Variants in NIPBL observed in about 807,000 individuals in gnomAD.
NIPBL encodes the protein nipped-B-like protein.
Under a neutral mutation model 321.8 loss-of-function variants are expected in NIPBL, and 19 were observed. The observed-to-expected ratio is 0.06, with a 90% CI of 0.04 to 0.09. The LOEUF is 0.09. Ranked by LOEUF, NIPBL falls within the 10% of genes least tolerant of loss-of-function variation. NIPBL has a pLI of 1.00. For synonymous variants in NIPBL, 1,106 were observed against 1,114.1 expected (o/e 0.99, Z 0.14); for missense variants, 2,210 against 3,327.0 (o/e 0.66, Z 8.26).
rs773164199 is a variant in NIPBL, at chr5:37,020,779, A to G, written c.5230A>G (p.Asn1744Asp). The change falls in exon 27 of 47, where the codon AAC becomes GAC. Residue 1744 changes from asparagine to aspartate, a missense_variant. By Grantham distance (23) the Asn-to-Asp change is conservative. Around this residue, in one of 14 missense-constraint regions of NIPBL, gnomAD observed 138 missense variants for 175.8 expected, o/e 0.79. Transcript: ENST00000282516. ...TTTAATGACTTTTTGTTGCAGGATGAACTCTGATACTGTGGACTATGATGA... is the reference window on the plus strand; with the variant it reads ...TTTAATGACTTTTTGTTGCAGGATGGACTCTGATACTGTGGACTATGATGA... ...TPSQFSTLKMNSDTVDYDDAC... is the reference protein window; with the variant it reads ...TPSQFSTLKMDSDTVDYDDAC... 1.9e-6 allele frequency: 3 copies of G among 1,613,834 alleles called. No individual in the cohort carries two copies. Among genetic ancestry groups the G allele is most frequent in the South Asian group, 2.2e-5 (2 of 91,058 alleles).
At chr5:37,022,457 T>A in intron 29 of NIPBL, 67 bp downstream of exon 29, 2 of 1,405,420 alleles carry the variant, frequency 1.4e-6, no homozygotes, top group Non-Finnish European at 1.9e-6. Context: ...TGTTTTGTTT[T>A]AAAGTGTTAA....
chr5:36,985,481 T>C lies in NIPBL; in HGVS notation c.2301T>C (p.Asp767=). 6.2e-7 allele frequency: 1 copy of C among 1,612,982 alleles called. No individual in the cohort carries two copies. Among genetic ancestry groups the C allele is most frequent in the Non-Finnish European group, 8.5e-7 (1 of 1,179,726 alleles). The part of the protein sequence containing the change: ...TPKHRHDNRR[D]SGKPSTEKKP... ...AACACAGGCATGACAATAGGAGGGATTCTGGAAAGCCATCTACAGAGAAAA... is the reference window on the plus strand; with the variant it reads ...AACACAGGCATGACAATAGGAGGGACTCTGGAAAGCCATCTACAGAGAAAA... The change falls in exon 10 of 47, where the codon GAT becomes GAC. Residue 767 remains aspartate (D), a synonymous_variant. Coordinates refer to ENST00000282516, the MANE Select transcript of NIPBL (RefSeq NM_133433.4).
At chr5:37,054,719 G>C (rs1185653032) in intron 42 of NIPBL, among the ~76,000 whole-genome samples, 1 of 152,198 alleles carries the variant, frequency 6.6e-6, no homozygotes, top group African/African-American at 2.4e-5. Context: ...AGGAACAAAT[G>C]CCTGAAGGCC....
Position 36,920,850 on chromosome 5 carries a change from C to T in NIPBL, c.-79-32768C>T, listed in dbSNP as rs559194926. 3.3e-5 allele frequency among the ~76,000 whole-genome samples: 5 copies of T among 151,032 alleles called. No homozygotes were observed. In the South Asian group the frequency reaches 8.4e-4, roughly 25 times the overall value. ...ATTTTTTTTTTTTTTCAAAGACTGC[C>T]TGGACCTACTCTCTCATTCTCTCCT... On this transcript the variant is annotated intron_variant, in intron 1 of 46. Transcript: ENST00000282516.
chr5:36,944,748 A>C (rs542481240), intron 1 of NIPBL, among the ~76,000 whole-genome samples: 4 of 152,154 alleles, frequency 2.6e-5, no homozygotes, highest in South Asian at 2.1e-4. Flanking sequence ...TAAAAAAAAA[A>C]CCAAAGCTGA....
At chr5:37,048,794 C>T (rs1443948765) in intron 39 of NIPBL, 119 bp downstream of exon 39, 1 of 856,086 alleles carries the variant, frequency 1.2e-6, no homozygotes, top group African/African-American at 1.7e-5. Flanking sequence ...AGTTAAATAG[C>T]AGTCCTTATG....
rs1050646924 is a variant in NIPBL, at chr5:37,035,161, C to T, written c.5863-1218C>T. Among the ~76,000 whole-genome samples the T allele has an allele frequency of 2.0e-5, 3 of 152,322 alleles. No individual in the cohort carries two copies. The East Asian group carries it at 5.8e-4, about 29-fold the overall frequency. ...AAAATAAGCTGGGCACGATGGCTCA[C>T]GCCTGTGGTCCCAGCTGTGTGGGAG... On this transcript the variant is annotated intron_variant, in intron 32 of 46. Transcript: ENST00000282516.
chr5:37,064,586 AAGT>A lies in NIPBL; in HGVS notation c.8110_8112del (p.Ser2704del). The A allele has an allele frequency of 6.2e-7, 1 of 1,614,174 alleles. No homozygotes were observed. Among genetic ancestry groups the A allele is most frequent in the Non-Finnish European group, 8.5e-7 (1 of 1,180,028 alleles). ...CGGAGTTGGCAGCACAGATGAATGAAAGTGTTGACGTCATGGATGTCATCGCTA... is the reference window on the plus strand; with the variant it reads ...CGGAGTTGGCAGCACAGATGAATGAAGTTGACGTCATGGATGTCATCGCTA... On this transcript the variant is annotated inframe_deletion, in exon 47 of 47. Coordinates refer to ENST00000282516, the MANE Select transcript of NIPBL (RefSeq NM_133433.4).
At chr5:37,012,362 T>G (rs1012252839) in intron 21 of NIPBL, among the ~76,000 whole-genome samples, 3 of 151,266 alleles carry the variant, frequency 2.0e-5, no homozygotes, top group African/African-American at 7.3e-5. Flanking sequence ...TTTATTTATT[T>G]TGTCTTTATT....
chr5:36,970,731 A>G (rs959592223), intron 6 of NIPBL, 145 bp from the exon 7 acceptor site: 5 of 702,890 alleles, frequency 7.1e-6, no homozygotes, highest in Non-Finnish European at 9.7e-6. Flanking sequence ...GAGTGTTAAG[A>G]TTTGATGAAA....
chr5:36,904,580 C>G (rs1747486971), intron 1 of NIPBL, among the ~76,000 whole-genome samples: 1 of 152,170 alleles, frequency 6.6e-6, no homozygotes, highest in African/African-American at 2.4e-5. Context: ...AGGAATATGG[C>G]TACAGCTTAG....
rs1483936627 is a variant in NIPBL at position 37,010,858 on chromosome 5, A to G, written c.4560+633A>G. Among the ~76,000 whole-genome samples, 5 of 152,234 alleles carry G rather than the reference A, an allele frequency of 3.3e-5. No individual in the cohort carries two copies. The South Asian group carries it at 8.3e-4, about 25-fold the overall frequency. Reference sequence around the variant, plus strand: ...GAAAGTGAATAATACAATATGTAATATATATGCATGTTGAGTATCCCTGAT... The same window carrying G: ...GAAAGTGAATAATACAATATGTAATGTATATGCATGTTGAGTATCCCTGAT... On this transcript the variant is annotated intron_variant, in intron 21 of 46. Transcript: ENST00000282516.
At chr5:36,934,856 A>C in intron 1 of NIPBL, among the ~76,000 whole-genome samples, 1 of 151,880 alleles carries the variant, frequency 6.6e-6, no homozygotes, top group East Asian at 1.9e-4. Context: ...ACCACTGGAG[A>C]AAGTGGAGTC....
intron 1 of NIPBL, among the ~76,000 whole-genome samples, chr5:36,881,970 A>G (rs1203616507): frequency 1.3e-5 from 2 of 151,996 alleles, no homozygotes; most frequent in Non-Finnish European, 2.9e-5. Flanking sequence ...ATAGAAATGT[A>G]TATGACCAAT....
At chr5:36,973,396 G>A (rs1391744799) in intron 8 of NIPBL, among the ~76,000 whole-genome samples, 1 of 150,800 alleles carries the variant, frequency 6.6e-6, no homozygotes, top group Non-Finnish European at 1.5e-5. Flanking sequence ...TGTGCAGAAT[G>A]TGCAGGTTTG....
At chr5:36,879,274 G>T (rs114179583) in intron 1 of NIPBL, among the ~76,000 whole-genome samples, 1 of 152,140 alleles carries the variant, frequency 6.6e-6, no homozygotes, top group Non-Finnish European at 1.5e-5. Flanking sequence ...TTAGAGATGG[G>T]TTTATGTGAT....
intron 38 of NIPBL, among the ~76,000 whole-genome samples, chr5:37,048,036 C>T (rs1462899198): frequency 6.6e-6 from 1 of 151,938 alleles, no homozygotes; most frequent in Non-Finnish European, 1.5e-5. Flanking sequence ...TGCTGGGGAT[C>T]TGAAAAATGT....
chr5:36,994,799 G>A (rs937824143), intron 10 of NIPBL, among the ~76,000 whole-genome samples: 14 of 152,070 alleles, frequency 9.2e-5, no homozygotes, highest in Admixed American at 2.0e-4. Context: ...AGAACTATTT[G>A]TGTATGTGTT....
intron 21 of NIPBL, among the ~76,000 whole-genome samples, chr5:37,013,288 G>C (rs1336469406): frequency 6.6e-6 from 1 of 150,844 alleles, no homozygotes; most frequent in Non-Finnish European, 1.5e-5. Context: ...CGGCTGGCCA[G>C]GCGGGGGGCT....
Sources: allele counts gnomAD v4.1 joint callset (sites outside exome capture counted in the v4.1 genomes callset), GRCh38; gene constraint gnomAD v4.1.1; regional missense constraint gnomAD v4.1.1; transcripts MANE v1.5; gene names NCBI Gene and HGNC (gene_info 2026-07-23, HGNC 2026-07-21).